CDH12: variants seen among roughly 807,000 people sequenced by gnomAD.
CDH12 encodes cadherin-12.
In CDH12, 41 loss-of-function variants were observed where a neutral mutation model predicts 74.1. That is an observed-to-expected ratio of 0.55 (90% CI 0.43 to 0.72). The LOEUF (loss-of-function observed/expected upper bound fraction) is 0.72. Among genes scored for constraint, CDH12 ranks in the 30% least tolerant of loss-of-function variants. The pLI is 0.00. For missense variants in CDH12, 945 were observed against 977.2 expected (o/e 0.97, Z 0.44); for synonymous variants, 399 against 355.0 (o/e 1.12, Z -1.39).
rs372079762 is a variant in CDH12 at position 21,789,113 on chromosome 5, A to G, written c.1257-5619T>C. Among the ~76,000 whole-genome samples, 76 of 152,250 alleles carry G rather than the reference A, an allele frequency of 5.0e-4. 1 individual carries two copies. The South Asian group carries it at 0.015, about 30-fold the overall frequency. On this transcript the variant is annotated intron_variant, in intron 10 of 14. Coordinates refer to ENST00000382254, the MANE Select transcript of CDH12 (RefSeq NM_004061.5). ...ATCAGATTCACATTCATACTAAATT[A>G]GAGTAAAATATAGAAATGTTTCTTC... is the stretch of plus-strand genomic sequence containing the variant.
chr5:22,432,879 G>C (rs969249894), intron 2 of CDH12, among the ~76,000 whole-genome samples: 4 of 152,022 alleles, frequency 2.6e-5, no homozygotes, highest in African/African-American at 9.7e-5. Flanking sequence ...AGTAGTCCTT[G>C]TATTTATAAC....
At chr5:21,785,387 T>A (rs1746144478) in intron 10 of CDH12, among the ~76,000 whole-genome samples, 1 of 152,128 alleles carries the variant, frequency 6.6e-6, no homozygotes. Flanking sequence ...ATTTCACTTT[T>A]AATTAAAAGC....
At chr5:22,622,559 C>T (rs975937620) in intron 1 of CDH12, among the ~76,000 whole-genome samples, 5 of 152,172 alleles carry the variant, frequency 3.3e-5, no homozygotes, top group Non-Finnish European at 7.4e-5. Flanking sequence ...CTCAAATAAA[C>T]TAGAAAATCT....
intron 4 of CDH12, among the ~76,000 whole-genome samples, chr5:22,093,420 T>C (rs961267554): frequency 7.2e-5 from 11 of 152,168 alleles, no homozygotes; most frequent in Non-Finnish European, 1.5e-4. Flanking sequence ...CACCATGCAA[T>C]TGATTATTAC....
At chr5:22,309,910 C>A (rs1480852807) in intron 3 of CDH12, among the ~76,000 whole-genome samples, 1 of 145,618 alleles carries the variant, frequency 6.9e-6, no homozygotes, top group Admixed American at 7.3e-5. Flanking sequence ...CCTCTGGCTC[C>A]CAAATTCTGC....
At chr5:21,981,699 T>C (rs142344264) in intron 5 of CDH12, among the ~76,000 whole-genome samples, 2,427 of 152,254 alleles carry the variant, frequency 0.016, 65 homozygotes, top group African/African-American at 0.056. Flanking sequence ...ATTTTTTGTT[T>C]TTTAAAGGGT....
intron 6 of CDH12, among the ~76,000 whole-genome samples, chr5:21,859,489 T>C (rs951612584): frequency 2.0e-5 from 3 of 151,930 alleles, no homozygotes; most frequent in Non-Finnish European, 4.4e-5. Flanking sequence ...AGGCTGTATA[T>C]GCTCTGAATC....
chr5:21,765,630 G>C lies in CDH12; in HGVS notation c.1394-531C>G, dbSNP rs545987966. ...GAAGTAGAACTAAGAGATGGATTAT[G>C]GAAAGCTAGTATACTTCCTTAAATT... On this transcript the variant is annotated intron_variant, in intron 11 of 14. Transcript: ENST00000382254. 1.5e-4 allele frequency among the ~76,000 whole-genome samples: 23 copies of C among 151,666 alleles called. 1 individual carries two copies. In the East Asian group the frequency reaches 4.3e-3, roughly 28 times the overall value.
At chr5:21,832,699 A>T (rs986037586) in intron 8 of CDH12, among the ~76,000 whole-genome samples, 2 of 145,434 alleles carry the variant, frequency 1.4e-5, no homozygotes, top group African/African-American at 5.1e-5. Context: ...TAACTTATTC[A>T]TTCTATTTAA....
At position 21,912,310 on chromosome 5, in the gene CDH12, CT is replaced by C. The variant is rs553546419; in HGVS notation, c.527-57521del. Among the ~76,000 whole-genome samples the C allele has an allele frequency of 3.6e-3, 529 of 145,008 alleles. 1 individual carries two copies. Among genetic ancestry groups the C allele is most frequent in the Admixed American group, 4.2e-3 (61 of 14,414 alleles). On this transcript the variant is annotated intron_variant, in intron 6 of 14. Coordinates refer to ENST00000382254, the MANE Select transcript of CDH12 (RefSeq NM_004061.5). ...AATGGACTGGAAAATTGTTAAGCAA[CT>C]TTTTTTTTTTTTCCAAGGGACTTAC... is the stretch of plus-strand genomic sequence containing the variant.
chr5:22,764,339 T>C (rs1327357242), intron 1 of CDH12, among the ~76,000 whole-genome samples: 1 of 151,978 alleles, frequency 6.6e-6, no homozygotes, highest in Non-Finnish European at 1.5e-5. Context: ...GCTTTTGTCA[T>C]CAATATATTA....
chr5:22,580,387 C>A, intron 1 of CDH12: 2 of 484,450 alleles, frequency 4.1e-6, no homozygotes, highest in Non-Finnish European at 8.5e-6. Context: ...ACGTGGTCCC[C>A]ATCGTAGGGT....
intron 6 of CDH12, among the ~76,000 whole-genome samples, chr5:21,864,691 A>G (rs975126263): frequency 6.6e-6 from 1 of 152,212 alleles, no homozygotes; most frequent in Non-Finnish European, 1.5e-5. Context: ...AGTGACTTTG[A>G]AACTGCGTAA....
chr5:22,525,059 G>A (rs922293000), intron 1 of CDH12, among the ~76,000 whole-genome samples: 5 of 150,708 alleles, frequency 3.3e-5, no homozygotes, highest in Non-Finnish European at 7.4e-5. Flanking sequence ...AACATGCAGT[G>A]TTTGGTTTTT....
chr5:22,402,415 A>G (rs529664090), intron 3 of CDH12, among the ~76,000 whole-genome samples: 1 of 152,332 alleles, frequency 6.6e-6, no homozygotes, highest in Middle Eastern at 3.4e-3. Context: ...AACTGTAACA[A>G]ACCAGATCCT....
At chr5:22,823,207 G>A (rs933998838) in intron 1 of CDH12, among the ~76,000 whole-genome samples, 2 of 145,418 alleles carry the variant, frequency 1.4e-5, no homozygotes, top group African/African-American at 2.6e-5. Context: ...CACAGGAAGG[G>A]GAACATCACA....
At chr5:22,329,742 T>A (rs1248586078) in intron 3 of CDH12, among the ~76,000 whole-genome samples, 1 of 152,202 alleles carries the variant, frequency 6.6e-6, no homozygotes, top group Non-Finnish European at 1.5e-5. Flanking sequence ...CAGTGCCCTA[T>A]CACAACAGAA....
intron 14 of CDH12, among the ~76,000 whole-genome samples, chr5:21,755,175 A>G (rs1371897459): frequency 6.6e-6 from 1 of 152,136 alleles, no homozygotes; most frequent in Non-Finnish European, 1.5e-5. Context: ...CTGTTCATCA[A>G]GTATATTTTT....
intron 6 of CDH12, among the ~76,000 whole-genome samples, chr5:21,924,120 T>C (rs1179207905): frequency 6.6e-6 from 1 of 152,160 alleles, no homozygotes; most frequent in Non-Finnish European, 1.5e-5. Flanking sequence ...AACTTGGAAA[T>C]AGAAAAACTA....
Sources: allele counts gnomAD v4.1 joint callset (sites outside exome capture counted in the v4.1 genomes callset), GRCh38; gene constraint gnomAD v4.1.1; transcripts MANE v1.5; gene names NCBI Gene and HGNC (gene_info 2026-07-23, HGNC 2026-07-21).